TBCK: variants seen among roughly 807,000 people sequenced by gnomAD.
The protein encoded by TBCK is TBC domain-containing protein kinase-like protein.
In TBCK, 99 loss-of-function variants were observed where a neutral mutation model predicts 113.4. The observed-to-expected ratio is 0.87, with a 90% CI of 0.74 to 1.03. The LOEUF is 1.03. TBCK is among the 50% of genes least tolerant of loss of function. The pLI, the probability that TBCK is intolerant of heterozygous loss-of-function variation, is 0.00. For synonymous variants in TBCK, 369 were observed against 370.8 expected (o/e 1.00, Z 0.05); for missense variants, 1,045 against 1,061.3 (o/e 0.98, Z 0.21).
chr4:106,195,901 A>G (rs866889235), intron 20 of TBCK, among the ~76,000 whole-genome samples: 3 of 152,020 alleles, frequency 2.0e-5, no homozygotes, highest in South Asian at 2.1e-4. Flanking sequence ...CTATGTTTAT[A>G]TATCTCCTAT....
chr4:106,247,808 G>C (rs893630535), intron 9 of TBCK: 1 of 155,116 alleles, frequency 6.4e-6, no homozygotes, highest in African/African-American at 2.4e-5. Flanking sequence ...ACATCATCAA[G>C]TCAAAGTCAA....
intron 22 of TBCK, among the ~76,000 whole-genome samples, chr4:106,182,108 GT>G (rs1277215850): frequency 6.6e-6 from 1 of 151,978 alleles, no homozygotes; most frequent in Non-Finnish European, 1.5e-5. Flanking sequence ...GGATTCCTAG[GT>G]ATTTTATTCT....
chr4:106,252,401 TTAATGCTA>T (rs1761535333), intron 5 of TBCK, among the ~76,000 whole-genome samples: 2 of 152,012 alleles, frequency 1.3e-5, no homozygotes, highest in South Asian at 4.1e-4. Flanking sequence ...AGTAAGAATG[TTAATGCTA>T]TAAAAAAGAT....
intron 23 of TBCK, 85 bp from the exon 24 acceptor site, chr4:106,116,463 A>G: frequency 9.1e-7 from 1 of 1,092,970 alleles, no homozygotes; most frequent in Non-Finnish European, 1.3e-6. Context: ...CTTGATACCA[A>G]ACAATACAGC....
intron 20 of TBCK, among the ~76,000 whole-genome samples, chr4:106,204,689 TA>T (rs1370255577): frequency 1.3e-5 from 2 of 151,648 alleles, no homozygotes; most frequent in Non-Finnish European, 2.9e-5. Flanking sequence ...ATCTGTGAGC[TA>T]ATATTGATGG....
chr4:106,139,036 A>G (rs1560707473), intron 23 of TBCK, among the ~76,000 whole-genome samples: 1 of 140,770 alleles, frequency 7.1e-6, no homozygotes, highest in Non-Finnish European at 1.6e-5. Context: ...GCTGCTGACT[A>G]TATTACCCTT....
At chr4:106,199,145 C>A (rs976242988) in intron 20 of TBCK, among the ~76,000 whole-genome samples, 1 of 152,122 alleles carries the variant, frequency 6.6e-6, no homozygotes, top group African/African-American at 2.4e-5. Context: ...TAATCAAGTT[C>A]TTGCCTCCAC....
At chr4:106,306,882 T>G (rs1767584297) in intron 2 of TBCK, among the ~76,000 whole-genome samples, 1 of 152,206 alleles carries the variant, frequency 6.6e-6, no homozygotes, top group African/African-American at 2.4e-5. Context: ...AAAGTCAACC[T>G]TGAACAGTAA....
intron 10 of TBCK, among the ~76,000 whole-genome samples, chr4:106,245,380 A>G (rs893264934): frequency 1.3e-5 from 2 of 152,192 alleles, no homozygotes; most frequent in Non-Finnish European, 2.9e-5. Flanking sequence ...ACTCACTTAG[A>G]TAATATCAGA....
At chr4:106,238,253 G>A (rs1474431746) in intron 12 of TBCK, among the ~76,000 whole-genome samples, 1 of 152,038 alleles carries the variant, frequency 6.6e-6, no homozygotes, top group Non-Finnish European at 1.5e-5. Context: ...CTTTCAAAGA[G>A]ATTATAAATT....
chr4:106,131,121 C>T (rs556608047), intron 23 of TBCK, among the ~76,000 whole-genome samples: 44 of 152,180 alleles, frequency 2.9e-4, no homozygotes, highest in South Asian at 2.7e-3. Flanking sequence ...GTAAGTCTCA[C>T]GAGATCTGAT....
intron 25 of TBCK, among the ~76,000 whole-genome samples, chr4:106,092,842 G>A (rs1740461228): frequency 6.6e-6 from 1 of 152,230 alleles, no homozygotes; most frequent in South Asian, 2.1e-4. Flanking sequence ...GGCTCCCACA[G>A]TGCAGTGGCG....
chr4:106,189,414 G>A (rs1049570076), intron 22 of TBCK, among the ~76,000 whole-genome samples: 2 of 151,124 alleles, frequency 1.3e-5, no homozygotes, highest in African/African-American at 2.4e-5. Context: ...AGCAGAAAAT[G>A]GGAATAATTA....
In TBCK at chr4:106,095,746, T is replaced by C; in HGVS notation, c.2412-105A>G. 9 of 924,044 alleles carry C rather than the reference T, an allele frequency of 9.7e-6. No individual in the cohort carries two copies. In the South Asian group the frequency reaches 2.4e-4, roughly 25 times the overall value. 57.2% of individuals were successfully genotyped at this position (924,044 alleles called of 1,614,324 possible). On this transcript the variant is annotated intron_variant, in intron 24 of 25. Coordinates refer to ENST00000394708, the MANE Select transcript of TBCK (RefSeq NM_001163435.3). Reference sequence around the variant, plus strand: ...TCCCAGAAGATAGTACTAAACATCTTCCAGCTTATGTGAGTATTTTATCTA... The same window carrying C: ...TCCCAGAAGATAGTACTAAACATCTCCCAGCTTATGTGAGTATTTTATCTA...
At chr4:106,063,959 C>T (rs1736337737) in intron 25 of TBCK, among the ~76,000 whole-genome samples, 1 of 151,756 alleles carries the variant, frequency 6.6e-6, no homozygotes, top group East Asian at 1.9e-4. Flanking sequence ...CCTGAATGAA[C>T]AAAGAGACTA....
At chr4:106,114,580 T>C (rs779593013) in intron 24 of TBCK, among the ~76,000 whole-genome samples, 1 of 152,130 alleles carries the variant, frequency 6.6e-6, no homozygotes, top group Non-Finnish European at 1.5e-5. Flanking sequence ...AGCAGCCAGG[T>C]CCTCTAGCCC....
intron 20 of TBCK, among the ~76,000 whole-genome samples, chr4:106,200,600 G>A (rs1754771706): frequency 1.3e-5 from 2 of 151,878 alleles, no homozygotes; most frequent in Non-Finnish European, 2.9e-5. Context: ...CCATACCTCT[G>A]CTTTAGCTTT....
chr4:106,215,477 C>T (rs894743167), intron 19 of TBCK, among the ~76,000 whole-genome samples: 7 of 152,150 alleles, frequency 4.6e-5, no homozygotes, highest in East Asian at 1.9e-4. Context: ...ACCAATCTCA[C>T]GTGCAGAGAC....
chr4:106,091,093 G>A (rs1358772489), intron 25 of TBCK, among the ~76,000 whole-genome samples: 3 of 152,140 alleles, frequency 2.0e-5, no homozygotes, highest in Non-Finnish European at 1.5e-5. Flanking sequence ...ACCTGAGACT[G>A]GGCAATCTAT....
Sources: allele counts gnomAD v4.1 joint callset (sites outside exome capture counted in the v4.1 genomes callset), GRCh38; gene constraint gnomAD v4.1.1; transcripts MANE v1.5; gene names NCBI Gene and HGNC (gene_info 2026-07-23, HGNC 2026-07-21).